EXOC4: variants seen among roughly 807,000 people sequenced by gnomAD.
EXOC4 encodes the protein exocyst complex component 4, also known as SEC8-like 1.
Under a neutral mutation model 107.2 loss-of-function variants are expected in EXOC4, and 71 were observed. That is an observed-to-expected ratio of 0.66 (90% CI 0.55 to 0.81). The LOEUF (loss-of-function observed/expected upper bound fraction) is 0.81, where lower values mean the gene tolerates loss of function less well. Among genes scored for constraint, EXOC4 ranks in the 30% least tolerant of loss-of-function variants. The pLI is 0.00. For synonymous variants in EXOC4, 456 were observed against 441.2 expected, an observed-to-expected ratio of 1.03 and a Z score of -0.42; for missense variants, 1,108 against 1,189.6, an observed-to-expected ratio of 0.93 and a Z score of 1.01.
chr7:134,072,105 C>T, the EXOC4 span, among the ~76,000 whole-genome samples: 3 of 152,180 alleles, frequency 2.0e-5, no homozygotes, highest in African/African-American at 7.2e-5. Flanking sequence ...GGGGCTGACC[C>T]CCCACCAGTT....
chr7:133,346,516 C>A (rs1219403661), intron 5 of EXOC4, among the ~76,000 whole-genome samples: 1 of 151,972 alleles, frequency 6.6e-6, no homozygotes, highest in South Asian at 2.1e-4. Flanking sequence ...ATTTATAGTG[C>A]CATTTTGATC....
At chr7:133,642,197 A>G (rs990602812) in intron 10 of EXOC4, among the ~76,000 whole-genome samples, 10 of 152,232 alleles carry the variant, frequency 6.6e-5, no homozygotes, top group Admixed American at 6.5e-4. Flanking sequence ...CTGAGTGCTT[A>G]CTATATACCA....
At chr7:133,861,383 C>T (rs1220151608) in intron 11 of EXOC4, among the ~76,000 whole-genome samples, 3 of 152,128 alleles carry the variant, frequency 2.0e-5, no homozygotes, top group Admixed American at 2.0e-4. Flanking sequence ...CATGACAAAC[C>T]TGCACATGTG....
the EXOC4 span, among the ~76,000 whole-genome samples, chr7:134,085,017 A>G: frequency 1.3e-5 from 2 of 152,186 alleles, no homozygotes; most frequent in Non-Finnish European, 2.9e-5. Context: ...ACACAGTTTG[A>G]ACACTCAGCT....
At chr7:133,286,471 C>A (rs566172793) in intron 2 of EXOC4, among the ~76,000 whole-genome samples, 1 of 152,296 alleles carries the variant, frequency 6.6e-6, no homozygotes, top group African/African-American at 2.4e-5. Flanking sequence ...GCCTGCCATT[C>A]CATTCTGCAG....
At chr7:133,604,706 CTTTCTTTTTTTTTTTTTTT>C (rs1801892070) in intron 9 of EXOC4, among the ~76,000 whole-genome samples, 1 of 87,536 alleles carries the variant, frequency 1.1e-5, no homozygotes, top group African/African-American at 4.4e-5. Flanking sequence ...TTCCTTCCTT[CTTTCTTTTTTTTTTTTTTT>C]TTTTTTTTTT....
At chr7:133,594,834 C>T (rs150819922) in intron 9 of EXOC4, among the ~76,000 whole-genome samples, 12 of 151,606 alleles carry the variant, frequency 7.9e-5, no homozygotes, top group African/African-American at 2.7e-4. Context: ...AAGAGCCTGC[C>T]GGAATAAAAA....
intron 10 of EXOC4, among the ~76,000 whole-genome samples, chr7:133,801,130 A>G (rs1276289195): frequency 6.6e-6 from 1 of 152,198 alleles, no homozygotes; most frequent in African/African-American, 2.4e-5. Flanking sequence ...GGTGCCTATT[A>G]CAGGATAATG....
intron 11 of EXOC4, among the ~76,000 whole-genome samples, chr7:133,847,739 G>A (rs550226794): frequency 3.3e-5 from 5 of 151,502 alleles, no homozygotes; most frequent in Admixed American, 2.0e-4. Flanking sequence ...ACGGAGTCTC[G>A]CTCTTGTCGC....
chr7:133,475,579 A>T (rs1798992305), intron 8 of EXOC4, 106 bp downstream of exon 8: 1 of 1,023,856 alleles, frequency 9.8e-7, no homozygotes, highest in African/African-American at 1.6e-5. Context: ...AAGTTGATTG[A>T]AGTAATTTAG....
At chr7:133,662,157 A>G (rs1793709736) in intron 10 of EXOC4, among the ~76,000 whole-genome samples, 1 of 152,168 alleles carries the variant, frequency 6.6e-6, no homozygotes, top group East Asian at 1.9e-4. Flanking sequence ...AAAGGCAAAC[A>G]TTTGTGATGT....
intron 11 of EXOC4, among the ~76,000 whole-genome samples, chr7:133,873,893 C>A (rs1255285906): frequency 6.6e-6 from 1 of 152,146 alleles, no homozygotes; most frequent in East Asian, 1.9e-4. Flanking sequence ...AAGCTGCTTC[C>A]CTGGGCAGTA....
intron 1 of EXOC4, among the ~76,000 whole-genome samples, chr7:133,259,398 T>C (rs1795091515): frequency 6.6e-6 from 1 of 151,940 alleles, no homozygotes; most frequent in Non-Finnish European, 1.5e-5. Flanking sequence ...GCTAATTGAA[T>C]GTATTTTTAG....
intron 10 of EXOC4, among the ~76,000 whole-genome samples, chr7:133,778,217 G>T (rs1796386505): frequency 6.6e-6 from 1 of 152,100 alleles, no homozygotes; most frequent in Non-Finnish European, 1.5e-5. Context: ...GGGGTAATTA[G>T]TGAGAAAAGA....
intron 17 of EXOC4, among the ~76,000 whole-genome samples, chr7:134,010,685 T>C (rs948153385): frequency 6.6e-6 from 1 of 152,180 alleles, no homozygotes; most frequent in Non-Finnish European, 1.5e-5. Flanking sequence ...TTCCAGCAAA[T>C]CTCTATAGGA....
chr7:133,870,858 C>G (rs1283435432), intron 11 of EXOC4, among the ~76,000 whole-genome samples: 2 of 152,124 alleles, frequency 1.3e-5, no homozygotes, highest in Non-Finnish European at 2.9e-5. Context: ...TTTTTGTTTT[C>G]CCTCTTTCTG....
chr7:133,370,303 T>G (rs1459055663), intron 6 of EXOC4, among the ~76,000 whole-genome samples: 1 of 152,006 alleles, frequency 6.6e-6, no homozygotes. Context: ...AATTTTAATT[T>G]TAATTTTTAT....
intron 8 of EXOC4, among the ~76,000 whole-genome samples, chr7:133,475,972 G>A (rs1056335435): frequency 6.6e-6 from 1 of 152,074 alleles, no homozygotes; most frequent in African/African-American, 2.4e-5. Flanking sequence ...TGTGCCCAAA[G>A]TGTATATCTC....
intron 11 of EXOC4, among the ~76,000 whole-genome samples, chr7:133,851,673 A>T (rs58451591): frequency 0.12 from 17,879 of 152,226 alleles, 1,163 homozygotes; most frequent in Middle Eastern, 0.15. Flanking sequence ...GGTCATGTGG[A>T]AAGTAGAGCA....
Sources: gnomAD v4.1 joint callset for allele counts (sites outside exome capture counted in the v4.1 genomes callset) on GRCh38, gnomAD v4.1.1 for gene constraint, MANE v1.5 for transcripts, NCBI Gene and HGNC (gene_info 2026-07-23, HGNC 2026-07-21) for gene names.